The following SOX5 variants were observed in gnomAD, a reference collection of about 807,000 sequenced individuals.
The protein encoded by SOX5 is transcription factor SOX-5.
Under a neutral mutation model 92.0 loss-of-function variants are expected in SOX5, and 9 were observed. That is an observed-to-expected ratio of 0.10 (90% CI 0.06 to 0.17). The LOEUF (loss-of-function observed/expected upper bound fraction) is 0.17, where lower values mean the gene tolerates loss of function less well. SOX5 is among the 10% of genes least tolerant of loss of function. SOX5 has a pLI of 1.00. For missense variants in SOX5, 642 were observed against 944.5 expected, an observed-to-expected ratio of 0.68 and a Z score of 4.20; for synonymous variants, 344 against 336.3, an observed-to-expected ratio of 1.02 and a Z score of -0.25.
At chr12:24,397,919 G>A (rs1194582556) in intron 1 of SOX5, among the ~76,000 whole-genome samples, 2 of 151,640 alleles carry the variant, frequency 1.3e-5, no homozygotes, top group Non-Finnish European at 2.9e-5. Flanking sequence ...GCACGATCTC[G>A]GCTCACTGCA....
At chr12:24,322,315 C>T (rs1228571933) in intron 2 of SOX5, among the ~76,000 whole-genome samples, 1 of 152,098 alleles carries the variant, frequency 6.6e-6, no homozygotes, top group Non-Finnish European at 1.5e-5. Flanking sequence ...CTTAAGCACT[C>T]GCCTAAGGTG....
intron 1 of SOX5, among the ~76,000 whole-genome samples, chr12:24,458,037 A>AT (rs35345972): frequency 2.7e-4 from 40 of 149,854 alleles, no homozygotes; most frequent in Admixed American, 8.0e-4. Flanking sequence ...CAGGTAAACT[A>AT]TTTTTTTTTT....
intron 4 of SOX5, among the ~76,000 whole-genome samples, chr12:24,199,997 T>G (rs1957361559): frequency 1.3e-5 from 2 of 152,224 alleles, no homozygotes; most frequent in Admixed American, 6.5e-5. Context: ...TATTATTCAT[T>G]TATTAGTTTT....
At chr12:24,360,761 A>G (rs1379118763) in intron 2 of SOX5, among the ~76,000 whole-genome samples, 1 of 152,218 alleles carries the variant, frequency 6.6e-6, no homozygotes, top group East Asian at 1.9e-4. Flanking sequence ...CGCAAGATCC[A>G]GACTGAGTGA....
chr12:23,615,266 T>A (rs1043706282), intron 8 of SOX5, among the ~76,000 whole-genome samples: 1 of 152,162 alleles, frequency 6.6e-6, no homozygotes, highest in East Asian at 1.9e-4. Context: ...TGCATTCAGA[T>A]CTTTTGCTTT....
chr12:23,775,565 G>A (rs1352296941), intron 3 of SOX5, among the ~76,000 whole-genome samples: 1 of 152,096 alleles, frequency 6.6e-6, no homozygotes, highest in African/African-American at 2.4e-5. Flanking sequence ...AGTTTTCCAG[G>A]GTAATCCTTA....
chr12:24,144,917 T>C (rs1382470771), intron 4 of SOX5, among the ~76,000 whole-genome samples: 1 of 151,886 alleles, frequency 6.6e-6, no homozygotes, highest in Non-Finnish European at 1.5e-5. Context: ...GGAAATGGTA[T>C]CATATCTCTA....
At chr12:23,757,935 TA>T (rs1272834359) in intron 3 of SOX5, among the ~76,000 whole-genome samples, 1 of 142,836 alleles carries the variant, frequency 7.0e-6, no homozygotes, top group Non-Finnish European at 1.5e-5. Context: ...GCCTCTTTAT[TA>T]ACTAGCATAA....
At chr12:24,438,593 G>GA (rs1422223875) in intron 1 of SOX5, among the ~76,000 whole-genome samples, 3 of 152,024 alleles carry the variant, frequency 2.0e-5, no homozygotes, top group South Asian at 2.1e-4. Flanking sequence ...GGGTAAAAAA[G>GA]AAAAAATCAA....
At chr12:23,635,591 G>C (rs1187622883) in intron 8 of SOX5, among the ~76,000 whole-genome samples, 1 of 152,060 alleles carries the variant, frequency 6.6e-6, no homozygotes, top group East Asian at 1.9e-4. Flanking sequence ...GTTAATGGGT[G>C]CAGCACACCA....
At chr12:24,533,183 T>A (rs552022079) in intron 1 of SOX5, among the ~76,000 whole-genome samples, 1 of 152,190 alleles carries the variant, frequency 6.6e-6, no homozygotes, top group Non-Finnish European at 1.5e-5. Flanking sequence ...ACATAATGAA[T>A]ATGATATTCT....
At chr12:23,797,041 C>G (rs1171920737) in intron 3 of SOX5, among the ~76,000 whole-genome samples, 1 of 151,132 alleles carries the variant, frequency 6.6e-6, no homozygotes, top group African/African-American at 2.4e-5. Flanking sequence ...AACACGAGTC[C>G]ATCTCCAACG....
intron 2 of SOX5, among the ~76,000 whole-genome samples, chr12:24,352,658 T>A (rs1954240143): frequency 6.6e-6 from 1 of 152,264 alleles, no homozygotes; most frequent in African/African-American, 2.4e-5. Context: ...CTTGATATTA[T>A]GTTCCTCAGA....
chr12:24,152,847 GA>G (rs56797704), intron 4 of SOX5, among the ~76,000 whole-genome samples: 64,224 of 150,364 alleles, frequency 0.43, 14,049 homozygotes, highest in Middle Eastern at 0.49. Context: ...ACTGGCACAG[GA>G]AAAAAAAAAA....
intron 4 of SOX5, among the ~76,000 whole-genome samples, chr12:24,184,465 A>T (rs981360795): frequency 2.0e-5 from 3 of 152,194 alleles, no homozygotes; most frequent in African/African-American, 7.2e-5. Context: ...AAATGATTTC[A>T]AGCAGTTCAG....
chr12:24,489,079 C>T (rs544915408), intron 1 of SOX5, among the ~76,000 whole-genome samples: 9 of 152,276 alleles, frequency 5.9e-5, no homozygotes, highest in African/African-American at 1.2e-4. Flanking sequence ...GTCTAACTTA[C>T]GGGACCAATG....
chr12:24,424,626 T>A (rs1966426923), intron 1 of SOX5, among the ~76,000 whole-genome samples: 1 of 152,160 alleles, frequency 6.6e-6, no homozygotes, highest in African/African-American at 2.4e-5. Flanking sequence ...AAATCTGTTG[T>A]AACGACCTCT....
chr12:23,598,385 A>ATTT (rs1952819789), intron 9 of SOX5, among the ~76,000 whole-genome samples: 2 of 99,574 alleles, frequency 2.0e-5, no homozygotes, highest in Non-Finnish European at 4.2e-5. Context: ...CTTGTGCTTT[A>ATTT]TCTTTTTTTT....
intron 4 of SOX5, among the ~76,000 whole-genome samples, chr12:24,175,799 G>T (rs1012069053): frequency 6.6e-6 from 1 of 151,932 alleles, no homozygotes; most frequent in African/African-American, 2.4e-5. Context: ...ATAAGGAATG[G>T]GTATTATCAT....
Sources: gnomAD v4.1 joint callset for allele counts (sites outside exome capture counted in the v4.1 genomes callset) on GRCh38, gnomAD v4.1.1 for gene constraint, MANE v1.5 for transcripts, NCBI Gene and HGNC (gene_info 2026-07-23, HGNC 2026-07-21) for gene names.